The following CHIC1 variants were observed in gnomAD, a reference collection of about 807,000 sequenced individuals.
CHIC1 encodes the protein cysteine rich hydrophobic domain 1.
Under a neutral mutation model 18.5 loss-of-function variants are expected in CHIC1, and 7 were observed. The observed-to-expected ratio is 0.38, with a 90% CI of 0.22 to 0.71. The LOEUF is 0.71. Ranked by LOEUF, CHIC1 falls within the 30% of genes least tolerant of loss-of-function variation. CHIC1 has a pLI of 0.49. For missense variants in CHIC1, 159 were observed against 176.9 expected (o/e 0.90, Z 0.57); for synonymous variants, 77 against 73.5 (o/e 1.05, Z -0.25).
chrX:73,582,869 C>T (rs761407167), intron 2 of CHIC1, among the ~76,000 whole-genome samples: 2 of 110,836 alleles, frequency 1.8e-5, no homozygotes, highest in Non-Finnish European at 3.8e-5. Context: ...TCAAGTCTCT[C>T]GATCTGTTTT....
intron 3 of CHIC1, among the ~76,000 whole-genome samples, chrX:73,674,728 A>G (rs181257287): frequency 0.018 from 1,954 of 109,963 alleles, 40 homozygotes; most frequent in African/African-American, 0.061. Context: ...TTGTGTCTCT[A>G]TTTCCTTCAG....
intron 3 of CHIC1, among the ~76,000 whole-genome samples, chrX:73,594,487 A>G (rs2057597632): frequency 8.9e-6 from 1 of 111,799 alleles, no homozygotes; most frequent in African/African-American, 3.3e-5. Context: ...ATTGGATTTC[A>G]TAGGCATTGC....
At chrX:73,612,099 C>CA (rs1434553140) in intron 3 of CHIC1, among the ~76,000 whole-genome samples, 1 of 110,092 alleles carries the variant, frequency 9.1e-6, no homozygotes, top group Non-Finnish European at 1.9e-5. Flanking sequence ...CTTGCCCATG[C>CA]CTATGTCCTG....
chrX:73,571,206 G>T lies in CHIC1; in HGVS notation c.297-6201G>T, dbSNP rs180790363. 2.4e-4 allele frequency among the ~76,000 whole-genome samples: 27 copies of T among 110,265 alleles called. No homozygotes were observed. In the East Asian group the frequency reaches 7.1e-3, roughly 29 times the overall value. ...ATATCTAGTAGGGGAATGACAGCTGGCAAAAGCTAAATTAGCAGCAATTGC... is the reference window on the plus strand; with the variant it reads ...ATATCTAGTAGGGGAATGACAGCTGTCAAAAGCTAAATTAGCAGCAATTGC... On this transcript the variant is annotated intron_variant, in intron 1 of 5. Coordinates refer to ENST00000373502, the MANE Select transcript of CHIC1 (RefSeq NM_001039840.4).
At chrX:73,570,575 T>A (rs1035931461) in intron 1 of CHIC1, among the ~76,000 whole-genome samples, 7 of 110,984 alleles carry the variant, frequency 6.3e-5, no homozygotes, top group African/African-American at 2.0e-4. Context: ...TAACATTTAG[T>A]TTTAGACAGG....
chrX:73,684,203 A>G lies in CHIC1; in HGVS notation c.*3198A>G, dbSNP rs1180749619. 1 of 111,189 alleles carries G rather than the reference A, an allele frequency of 9.0e-6. No individual in the cohort carries two copies. The highest frequency in any genetic ancestry group is 1.9e-5 in the Non-Finnish European group (1 of 52,762). The allele number at this position is 111,189 out of a possible 1,213,427, so 9.2% of individuals were successfully genotyped here. A position where few individuals can be genotyped will look rare whatever the true frequency, so the allele number is the denominator to read the frequency against. On this transcript the variant is annotated 3_prime_UTR_variant, in exon 6 of 6. Coordinates refer to ENST00000373502, the MANE Select transcript of CHIC1 (RefSeq NM_001039840.4). ...ACCGGACTATCAGTCACTTAAAAAA[A>G]CAGTATAATTCTAATGCTAGTAAAC...
chrX:73,634,898 GAC>G (rs2057824585), intron 3 of CHIC1, among the ~76,000 whole-genome samples: 1 of 111,174 alleles, frequency 9.0e-6, no homozygotes, highest in Admixed American at 9.5e-5. Flanking sequence ...GTGGAGAGAT[GAC>G]ATGGGTAAAT....
At chrX:73,625,402 G>A (rs1437865895) in intron 3 of CHIC1, among the ~76,000 whole-genome samples, 1 of 111,552 alleles carries the variant, frequency 9.0e-6, no homozygotes, top group Non-Finnish European at 1.9e-5. Flanking sequence ...GAGAGAGAGA[G>A]AAAAGCATTA....
At chrX:73,663,938 C>T (rs1331052382) in intron 3 of CHIC1, among the ~76,000 whole-genome samples, 4 of 111,605 alleles carry the variant, frequency 3.6e-5, no homozygotes, top group Non-Finnish European at 1.9e-5. Context: ...TAGACTTAAT[C>T]GCCCTAGGAC....
At chrX:73,585,974 G>A (rs1011815208) in intron 3 of CHIC1, among the ~76,000 whole-genome samples, 7 of 111,192 alleles carry the variant, frequency 6.3e-5, no homozygotes, top group East Asian at 5.7e-4. Flanking sequence ...ATTCTGGTTC[G>A]CAAATCTGTC....
rs750584267 is a variant in CHIC1, at chrX:73,634,149, C to G, written c.508-45177C>G. On this transcript the variant is annotated intron_variant, in intron 3 of 5. Coordinates refer to ENST00000373502, the MANE Select transcript of CHIC1 (RefSeq NM_001039840.4). The stretch of plus-strand genomic sequence containing the variant: ...TGCCATCTTCACAGTTGAAGGAACA[C>G]TCACCTTCTCCAGTCTTTACTCTTT... Among the ~76,000 whole-genome samples the G allele has an allele frequency of 6.2e-5, 7 of 112,170 alleles. No individual in the cohort carries two copies. In the Admixed American group the frequency reaches 6.6e-4, roughly 11 times the overall value.
At chrX:73,658,988 G>C (rs1438858956) in intron 3 of CHIC1, among the ~76,000 whole-genome samples, 1 of 111,729 alleles carries the variant, frequency 9.0e-6, no homozygotes, top group African/African-American at 3.2e-5. Context: ...ACACTGAGGA[G>C]GGTGCCATAA....
intron 3 of CHIC1, among the ~76,000 whole-genome samples, chrX:73,607,858 T>C (rs1348879496): frequency 1.9e-5 from 2 of 107,575 alleles, no homozygotes; most frequent in Non-Finnish European, 3.8e-5. Context: ...CCGGGTACTT[T>C]AGTTGGAAGT....
intron 3 of CHIC1, among the ~76,000 whole-genome samples, chrX:73,674,030 T>C (rs1288805840): frequency 8.9e-6 from 1 of 112,346 alleles, no homozygotes; most frequent in African/African-American, 3.2e-5. Context: ...TCTTTTGTTC[T>C]GTTTATATGC....
At chrX:73,571,377 C>A (rs757908944) in intron 1 of CHIC1, among the ~76,000 whole-genome samples, 65 of 111,201 alleles carry the variant, frequency 5.8e-4, no homozygotes, top group Non-Finnish European at 9.5e-4. Context: ...ATTTACTCTT[C>A]GTGTAATAAT....
chrX:73,590,019 T>TA (rs1377619157), intron 3 of CHIC1, among the ~76,000 whole-genome samples: 4 of 111,595 alleles, frequency 3.6e-5, no homozygotes, highest in African/African-American at 1.3e-4. Context: ...ACTTCTTTCT[T>TA]ACTGCTTTCA....
At chrX:73,626,504 C>T (rs1288518114) in intron 3 of CHIC1, among the ~76,000 whole-genome samples, 1 of 110,285 alleles carries the variant, frequency 9.1e-6, no homozygotes, top group African/African-American at 3.3e-5. Context: ...TCATTTTTCT[C>T]CTCTGACTGC....
chrX:73,569,602 G>A (rs1276098698), intron 1 of CHIC1, among the ~76,000 whole-genome samples: 1 of 111,467 alleles, frequency 9.0e-6, no homozygotes, highest in African/African-American at 3.3e-5. Flanking sequence ...AGTTTGTCTA[G>A]CCTCTCTGGA....
intron 3 of CHIC1, among the ~76,000 whole-genome samples, chrX:73,592,973 A>G (rs769396983): frequency 9.1e-6 from 1 of 109,566 alleles, no homozygotes; most frequent in African/African-American, 3.3e-5. Flanking sequence ...TTTCCTGTAG[A>G]TTTTCTAATT....
Sources: allele counts gnomAD v4.1 joint callset (sites outside exome capture counted in the v4.1 genomes callset), GRCh38; gene constraint gnomAD v4.1.1; transcripts MANE v1.5; gene names NCBI Gene and HGNC (gene_info 2026-07-23, HGNC 2026-07-21).